GARRE1: variants seen among roughly 807,000 people sequenced by gnomAD.
GARRE1 encodes the protein granule associated Rac and RHOG effector protein 1.
A neutral mutation model predicts 103.2 loss-of-function variants in GARRE1; 49 were observed. The observed-to-expected ratio is 0.47, with a 90% CI of 0.38 to 0.60. The LOEUF is 0.60. Among genes scored for constraint, GARRE1 ranks in the 20% least tolerant of loss-of-function variants. The pLI, the probability that GARRE1 is intolerant of heterozygous loss-of-function variation, is 0.00. For missense variants in GARRE1, 1,199 were observed against 1,370.5 expected, an observed-to-expected ratio of 0.87 and a Z score of 1.98; for synonymous variants, 505 against 532.8, an observed-to-expected ratio of 0.95 and a Z score of 0.72.
chr19:34,349,287 G>A, intron 12 of GARRE1, 134 bp downstream of exon 12: 1 of 885,500 alleles, frequency 1.1e-6, no homozygotes, highest in Non-Finnish European at 1.7e-6. Flanking sequence ...TTCCAGCAAT[G>A]CCTGGCTGAA....
At chr19:34,254,965 G>A (rs1327058623) in intron 1 of GARRE1, among the ~76,000 whole-genome samples, 1 of 151,682 alleles carries the variant, frequency 6.6e-6, no homozygotes, top group African/African-American at 2.4e-5. Context: ...GTTCGCCGGG[G>A]CCCGGGAGGT....
At chr19:34,285,439 G>A (rs145609835) in intron 1 of GARRE1, among the ~76,000 whole-genome samples, 249 of 152,078 alleles carry the variant, frequency 1.6e-3, no homozygotes, top group African/African-American at 5.3e-3. Flanking sequence ...CCTGGCCAAC[G>A]TGGTGACACC....
chr19:34,256,845 A>G (rs978453896), intron 1 of GARRE1, among the ~76,000 whole-genome samples: 11 of 152,058 alleles, frequency 7.2e-5, no homozygotes, highest in Non-Finnish European at 1.2e-4. Context: ...AAAAGAAATC[A>G]TTTTCCAATA....
Position 34,300,616 on chromosome 19 carries a change from C to T in GARRE1, c.143C>T (p.Thr48Met), listed in dbSNP as rs201404557. ...GRALSAPLASTATTAPLGSLT... is the reference protein window; with the variant it reads ...GRALSAPLASMATTAPLGSLT... ...GCACTGAGTGCTCCCCTGGCATCCA[C>T]GGCCACCACTGCCCCCCTGGGCAGT... is the stretch of plus-strand genomic sequence containing the variant. The change falls in exon 2 of 14, where the codon ACG becomes ATG. Residue 48 changes from threonine (T) to methionine (M), a missense_variant. By Grantham distance (81) the Thr-to-Met change is moderately conservative (BLOSUM62 -1). Transcript: ENST00000299505. 7.9e-5 allele frequency: 127 copies of T among 1,613,470 alleles called. No homozygotes were observed. In the Admixed American group the frequency reaches 1.1e-3, roughly 15 times the overall value.
Position 34,341,804 on chromosome 19 carries a change from G to C in GARRE1, c.1870G>C (p.Glu624Gln), listed in dbSNP as rs1329469964. The change falls in exon 10 of 14, where the codon GAG (glutamate) becomes CAG (glutamine). Residue 624 changes from glutamate (E) to glutamine (Q), a missense_variant. Physicochemically the swap from Glu to Gln is conservative, Grantham distance 29. Coordinates refer to ENST00000299505, the MANE Select transcript of GARRE1 (RefSeq NM_014686.5). ...VANGFLMERRENFLHGDDGKD... is the reference protein window; with the variant it reads ...VANGFLMERRQNFLHGDDGKD... ...CAATGGCTTTCTCATGGAGAGGCGTGAGAACTTCCTGCATGGAGATGACGG... is the reference window on the plus strand; with the variant it reads ...CAATGGCTTTCTCATGGAGAGGCGTCAGAACTTCCTGCATGGAGATGACGG... The C allele has an allele frequency of 1.2e-6, 2 of 1,614,094 alleles. No individual in the cohort carries two copies. Among genetic ancestry groups the C allele is most frequent in the East Asian group, 4.5e-5 (2 of 44,906 alleles).
At chr19:34,283,941 C>G (rs2073870589) in intron 1 of GARRE1, among the ~76,000 whole-genome samples, 1 of 149,736 alleles carries the variant, frequency 6.7e-6, no homozygotes, top group South Asian at 2.1e-4. Context: ...ATGCCATTCT[C>G]CTGCCTCAGC....
intron 1 of GARRE1, among the ~76,000 whole-genome samples, chr19:34,266,866 A>G (rs1007435604): frequency 1.3e-5 from 2 of 152,132 alleles, no homozygotes; most frequent in African/African-American, 4.8e-5. Context: ...ACCTATTTAT[A>G]TATAAGCTTC....
At chr19:34,340,999 C>A (rs1466983910) in intron 9 of GARRE1, among the ~76,000 whole-genome samples, 3 of 152,198 alleles carry the variant, frequency 2.0e-5, no homozygotes, top group Non-Finnish European at 4.4e-5. Context: ...TCTGTTGGGA[C>A]AACGTTGGCA....
intron 1 of GARRE1, among the ~76,000 whole-genome samples, chr19:34,280,595 G>A (rs1212889042): frequency 2.6e-5 from 4 of 151,894 alleles, no homozygotes; most frequent in South Asian, 2.1e-4. Flanking sequence ...TGTGCTTTTC[G>A]TGTCCTATCC....
rs566519838 is a variant in GARRE1 at position 34,282,301 on chromosome 19, G to A, written c.-795-17378G>A. 7.9e-5 allele frequency among the ~76,000 whole-genome samples: 12 copies of A among 152,142 alleles called. No individual in the cohort carries two copies. In the South Asian group the frequency reaches 2.3e-3, roughly 29 times the overall value. On this transcript the variant is annotated intron_variant, in intron 1 of 13. Transcript: ENST00000299505. ...TGAGTAGCTGGGATTACAGGCGCAC[G>A]CCACCACACCAGGCTAATTTTTGTA...
At chr19:34,308,510 T>G (rs995917919) in intron 2 of GARRE1, among the ~76,000 whole-genome samples, 6 of 152,202 alleles carry the variant, frequency 3.9e-5, no homozygotes, top group African/African-American at 1.4e-4. Context: ...TCTTCAGACT[T>G]TAGCCTGTAG....
At chr19:34,302,681 C>T (rs1015907175) in intron 2 of GARRE1, among the ~76,000 whole-genome samples, 1 of 149,846 alleles carries the variant, frequency 6.7e-6, no homozygotes, top group Non-Finnish European at 1.5e-5. Context: ...TTCACAGTTG[C>T]TAATATTCAG....
Position 34,339,748 on chromosome 19 carries a change from A to T in GARRE1, c.1362-119A>T, listed in dbSNP as rs2145277884. The T allele has an allele frequency of 2.6e-6, 3 of 1,148,480 alleles. No homozygotes were observed. In the East Asian group the frequency reaches 7.1e-5, roughly 27 times the overall value. 71.1% of individuals were successfully genotyped at this position (1,148,480 alleles called of 1,614,324 possible). A position where few individuals can be genotyped will look rare whatever the true frequency, so the allele number is the denominator to read the frequency against. On this transcript the variant is annotated intron_variant, in intron 8 of 13. Transcript: ENST00000299505. ...TTGTTCTCTCCATGTTCTTACAGTT[A>T]CTGAATTTTTGCTGGGCGCCAGAGG...
In GARRE1 at chr19:34,312,524, G is replaced by A. The variant is rs563697160; in HGVS notation, c.496-7383G>A. On this transcript the variant is annotated intron_variant, in intron 2 of 13. Transcript: ENST00000299505. Reference sequence around the variant, plus strand: ...TAAATTTGACTACTCTAGGAACCTCGTATAAATGGAATCATAGAATATTTG... The same window carrying A: ...TAAATTTGACTACTCTAGGAACCTCATATAAATGGAATCATAGAATATTTG... 4.6e-5 allele frequency among the ~76,000 whole-genome samples: 7 copies of A among 152,282 alleles called. No homozygotes were observed. In the East Asian group the frequency reaches 9.6e-4, roughly 21 times the overall value.
intron 2 of GARRE1, among the ~76,000 whole-genome samples, chr19:34,314,089 C>T (rs2074049142): frequency 6.6e-6 from 1 of 152,182 alleles, no homozygotes. Context: ...GCATGAGCCA[C>T]CGTGCCCGGC....
chr19:34,267,530 G>T (rs1043547797), intron 1 of GARRE1, among the ~76,000 whole-genome samples: 1 of 151,858 alleles, frequency 6.6e-6, no homozygotes, highest in Non-Finnish European at 1.5e-5. Flanking sequence ...AAAAAAATAA[G>T]TAAAAACAAA....
At chr19:34,331,217 A>T (rs1046808798) in intron 7 of GARRE1, among the ~76,000 whole-genome samples, 1 of 152,040 alleles carries the variant, frequency 6.6e-6, no homozygotes, top group Non-Finnish European at 1.5e-5. Context: ...AAAAAGAAAA[A>T]AACATTACAT....
At chr19:34,350,686 A>T (rs1211671297) in intron 12 of GARRE1, among the ~76,000 whole-genome samples, 3 of 152,030 alleles carry the variant, frequency 2.0e-5, no homozygotes, top group Non-Finnish European at 4.4e-5. Context: ...GGTTCACGCC[A>T]TTCTCCTGCC....
chr19:34,326,291 T>C (rs1264183487), intron 3 of GARRE1, among the ~76,000 whole-genome samples: 1 of 152,232 alleles, frequency 6.6e-6, no homozygotes, highest in East Asian at 1.9e-4. Flanking sequence ...TTTGTAAATA[T>C]TACAACTCCT....
Sources: gnomAD v4.1 joint callset for allele counts (sites outside exome capture counted in the v4.1 genomes callset) on GRCh38, gnomAD v4.1.1 for gene constraint, MANE v1.5 for transcripts, NCBI Gene and HGNC (gene_info 2026-07-23, HGNC 2026-07-21) for gene names.